FAM149A: variants seen among roughly 807,000 people sequenced by gnomAD.
The protein encoded by FAM149A is protein FAM149A.
Under a neutral mutation model 78.2 loss-of-function variants are expected in FAM149A, and 71 were observed. That is an observed-to-expected ratio of 0.91 (90% CI 0.75 to 1.11). The LOEUF (loss-of-function observed/expected upper bound fraction) is 1.11. FAM149A is among the 50% of genes least tolerant of loss of function. FAM149A has a pLI of 0.00. For missense variants in FAM149A, 1,036 were observed against 971.0 expected (o/e 1.07, Z -0.89); for synonymous variants, 446 against 410.5 (o/e 1.09, Z -1.04).
In FAM149A at chr4:186,104,732, C is replaced by A. The variant is rs1308418010; in HGVS notation, c.-345C>A. 2.3e-5 allele frequency among the ~76,000 whole-genome samples: 3 copies of A among 131,620 alleles called. No homozygotes were observed. The highest frequency in any genetic ancestry group is 3.2e-5 in the Non-Finnish European group (2 of 62,174). 86.3% of individuals were successfully genotyped at this position (131,620 alleles called of 152,430 possible). ...CTGGAGCGCGGCCGGGTGTGTTGAACGTAGCAACCGCGGGCGGCGGGCGGC... is the reference window on the plus strand; with the variant it reads ...CTGGAGCGCGGCCGGGTGTGTTGAAAGTAGCAACCGCGGGCGGCGGGCGGC... On this transcript the variant is annotated 5_prime_UTR_variant, in exon 1 of 14. Coordinates refer to ENST00000389354, the MANE Select transcript of FAM149A (RefSeq NM_001367768.3).
At chr4:186,111,390 T>C (rs1294157550) in intron 1 of FAM149A, among the ~76,000 whole-genome samples, 1 of 151,664 alleles carries the variant, frequency 6.6e-6, no homozygotes, top group East Asian at 1.9e-4. Context: ...GCAGAAGCTC[T>C]TTAGTTTAAT....
intron 1 of FAM149A, among the ~76,000 whole-genome samples, chr4:186,137,482 G>C (rs1424928607): frequency 1.3e-5 from 2 of 151,996 alleles, no homozygotes; most frequent in Admixed American, 6.5e-5. Flanking sequence ...TCACTGAAAT[G>C]CTGACTTCTG....
In FAM149A at chr4:186,156,192, TAC is replaced by T. The variant is rs1456328183; in HGVS notation, c.1420+3_1420+4del. 2.5e-6 allele frequency: 4 copies of T among 1,608,572 alleles called. No homozygotes were observed. The highest frequency in any genetic ancestry group is 3.4e-6 in the Non-Finnish European group (4 of 1,177,246). On this transcript the variant is annotated splice_donor_region_variant and intron_variant, in intron 7 of 13. Coordinates refer to ENST00000389354, the MANE Select transcript of FAM149A (RefSeq NM_001367768.3). ...AACACTGGGAAACTACACTCACAGG[TAC>T]TTACATGCAGAATTTAGCTTAATGA...
chr4:186,136,273 A>G (rs2099322653), intron 1 of FAM149A, among the ~76,000 whole-genome samples: 1 of 152,242 alleles, frequency 6.6e-6, no homozygotes, highest in Non-Finnish European at 1.5e-5. Context: ...GAATTTTTGT[A>G]AAACAGTTTT....
chr4:186,163,967 TAAATA>T (rs1310969803), intron 10 of FAM149A, among the ~76,000 whole-genome samples: 5 of 152,194 alleles, frequency 3.3e-5, no homozygotes. Context: ...AGGGGAGGTT[TAAATA>T]AAATAATGTA....
At chr4:186,136,577 A>G (rs75525441) in intron 1 of FAM149A, among the ~76,000 whole-genome samples, 3,138 of 152,278 alleles carry the variant, frequency 0.021, 111 homozygotes, top group African/African-American at 0.072. Context: ...AATTTTCTAT[A>G]AGCTTGTGGA....
intron 8 of FAM149A, among the ~76,000 whole-genome samples, chr4:186,161,107 AATTAG>A (rs1326262622): frequency 6.6e-6 from 1 of 152,160 alleles, no homozygotes; most frequent in Non-Finnish European, 1.5e-5. Context: ...GTAATTTTTT[AATTAG>A]ATGTAATGTT....
At position 186,105,165 on chromosome 4, in the gene FAM149A, C is replaced by T. The variant is rs1481684514; in HGVS notation, c.89C>T (p.Pro30Leu). Residue 30 changes from proline to leucine, a missense_variant, in exon 1 of 14, where the codon CCC becomes CTC. Pro to Leu is a moderately conservative substitution (Grantham distance 98). Around this residue, in one of 3 missense-constraint regions of FAM149A, gnomAD observed 316 missense variants for 241.9 expected, o/e 1.31. Transcript: ENST00000389354. The stretch of plus-strand genomic sequence containing the variant: ...CCCCCCGCAGGCCCCTCCTCCAGAC[C>T]CTCGGGAGGTGCTGCCGCTGCAGGG... 9 of 1,278,028 alleles carry T rather than the reference C, an allele frequency of 7.0e-6. No individual in the cohort carries two copies. The highest frequency in any genetic ancestry group is 8.1e-6 in the Non-Finnish European group (8 of 984,080). 79.2% of individuals were successfully genotyped at this position (1,278,028 alleles called of 1,614,324 possible).
At chr4:186,145,080 T>C in intron 1 of FAM149A, 1 of 985,290 alleles carries the variant, frequency 1.0e-6, no homozygotes, top group Non-Finnish European at 1.2e-6. Context: ...GCGCGGGGGC[T>C]GCGAGCACAG....
In FAM149A at chr4:186,158,432, T is replaced by C. The variant is rs1159939907; in HGVS notation, c.1575+713T>C. ...CTGCTGGCTCAGGGAGTTCTGGGCA[T>C]GCGTGACACCATCCCCCAGGAACAC... On this transcript the variant is annotated intron_variant, in intron 8 of 13. Transcript: ENST00000389354. 12 of 1,162,682 alleles carry C rather than the reference T, an allele frequency of 1.0e-5. No individual in the cohort carries two copies. The East Asian group carries it at 7.0e-4, about 68-fold the overall frequency. 72.0% of individuals were successfully genotyped at this position (1,162,682 alleles called of 1,614,324 possible). A position where few individuals can be genotyped will look rare whatever the true frequency, so the allele number is the denominator to read the frequency against.
intron 6 of FAM149A, among the ~76,000 whole-genome samples, chr4:186,155,263 G>A (rs1051852961): frequency 1.3e-5 from 2 of 152,288 alleles, no homozygotes; most frequent in African/African-American, 4.8e-5. Flanking sequence ...ACTGTGCCCA[G>A]CCTTGTATTT....
intron 13 of FAM149A, among the ~76,000 whole-genome samples, chr4:186,170,161 A>G (rs1735404211): frequency 6.6e-6 from 1 of 152,058 alleles, no homozygotes; most frequent in Non-Finnish European, 1.5e-5. Flanking sequence ...TCCGGAAGGG[A>G]GGGCAGAGAT....
chr4:186,145,201 G>A, intron 1 of FAM149A: 1 of 962,362 alleles, frequency 1.0e-6, no homozygotes, highest in Non-Finnish European at 1.2e-6. Flanking sequence ...GGCTGCGTCT[G>A]GCCCGGGCTT....
intron 13 of FAM149A, chr4:186,167,649 AAATT>A: frequency 3.2e-6 from 1 of 309,774 alleles, no homozygotes; most frequent in East Asian, 7.7e-5. Flanking sequence ...ATGCTTGAGA[AAATT>A]AACACAGATT....
intron 1 of FAM149A, among the ~76,000 whole-genome samples, chr4:186,147,291 G>A (rs767744239): frequency 4.6e-5 from 7 of 152,194 alleles, no homozygotes; most frequent in Non-Finnish European, 1.0e-4. Context: ...GCTGAAGGTG[G>A]GAGGATAACT....
chr4:186,157,796 T>G, intron 8 of FAM149A, 77 bp downstream of exon 8: 1 of 1,566,046 alleles, frequency 6.4e-7, no homozygotes, highest in Non-Finnish European at 8.7e-7. Context: ...TCTGTTAAAC[T>G]GCAGTACTGA....
intron 1 of FAM149A, chr4:186,110,329 G>T (rs2099310672): frequency 1.0e-6 from 1 of 984,538 alleles, no homozygotes; most frequent in African/African-American, 1.7e-5. Flanking sequence ...TTGCTGCTGG[G>T]ACTTAGCATT....
intron 8 of FAM149A, among the ~76,000 whole-genome samples, chr4:186,159,016 A>G (rs1263646345): frequency 1.3e-5 from 2 of 152,186 alleles, no homozygotes; most frequent in Non-Finnish European, 2.9e-5. Context: ...TGTTTTCTAC[A>G]TTTTGGGAGA....
At chr4:186,165,130 C>T (rs1051734697) in intron 10 of FAM149A, among the ~76,000 whole-genome samples, 4 of 152,200 alleles carry the variant, frequency 2.6e-5, no homozygotes, top group African/African-American at 9.6e-5. Context: ...CATCCTCTGT[C>T]TTTCACTTGT....
Sources: gnomAD v4.1 joint callset for allele counts (sites outside exome capture counted in the v4.1 genomes callset) on GRCh38, gnomAD v4.1.1 for gene constraint, gnomAD v4.1.1 regional missense constraint, MANE v1.5 for transcripts, NCBI Gene and HGNC (gene_info 2026-07-23, HGNC 2026-07-21) for gene names.